Variants in CSMD3 observed in about 807,000 individuals in gnomAD.
The protein encoded by CSMD3 is CUB and sushi domain-containing protein 3.
Under a neutral mutation model 435.2 loss-of-function variants are expected in CSMD3, and 177 were observed. The observed-to-expected ratio is 0.41, with a 90% CI of 0.36 to 0.46. The LOEUF is 0.46. Among genes scored for constraint, CSMD3 ranks in the 20% least tolerant of loss-of-function variants. The pLI, the probability that CSMD3 is intolerant of heterozygous loss-of-function variation, is 0.34. For missense variants in CSMD3, 4,265 were observed against 4,504.6 expected (o/e 0.95, Z 1.52); for synonymous variants, 1,656 against 1,520.5 (o/e 1.09, Z -2.07).
chr8:112,505,196 G>A (rs1448233081), intron 29 of CSMD3, among the ~76,000 whole-genome samples: 2 of 152,206 alleles, frequency 1.3e-5, no homozygotes, highest in East Asian at 3.9e-4. Context: ...TCTAACGTGA[G>A]AAAATTGGGA....
intron 7 of CSMD3, among the ~76,000 whole-genome samples, chr8:112,971,101 T>G (rs1199219507): frequency 6.6e-6 from 1 of 152,198 alleles, no homozygotes; most frequent in Admixed American, 6.5e-5. Flanking sequence ...CCCTCTACTG[T>G]AATTCAATAA....
intron 1 of CSMD3, among the ~76,000 whole-genome samples, chr8:113,345,029 T>G (rs2094142860): frequency 6.6e-6 from 1 of 152,110 alleles, no homozygotes; most frequent in Non-Finnish European, 1.5e-5. Flanking sequence ...GCCTGTTTCT[T>G]CAACTGAAGA....
At chr8:113,426,703 C>T (rs779491129) in intron 1 of CSMD3, among the ~76,000 whole-genome samples, 3 of 151,372 alleles carry the variant, frequency 2.0e-5, no homozygotes, top group Non-Finnish European at 3.0e-5. Context: ...AATGAAATGT[C>T]AAGTGAATTT....
At chr8:112,790,000 A>G (rs2078646956) in intron 13 of CSMD3, among the ~76,000 whole-genome samples, 1 of 151,990 alleles carries the variant, frequency 6.6e-6, no homozygotes, top group Admixed American at 6.6e-5. Flanking sequence ...AAAGTTAAGA[A>G]TCAACTTTTA....
chr8:112,851,142 T>C (rs231309), intron 11 of CSMD3, among the ~76,000 whole-genome samples: 123,969 of 152,080 alleles, frequency 0.82, 50,745 homozygotes, highest in African/African-American at 0.88. Flanking sequence ...ATTACATCAG[T>C]GCTCTCAAGA....
At position 113,311,955 on chromosome 8, in the gene CSMD3, A is replaced by G. The variant is rs572472021; in HGVS notation, c.401+2616T>C. On this transcript the variant is annotated intron_variant, in intron 2 of 70. Transcript: ENST00000297405. The stretch of plus-strand genomic sequence containing the variant: ...AGTCTATAAAATAAATAGGAAAAAT[A>G]AATTTGTAGCTTACCTTTCGGTTTA... 14 of 152,290 alleles carry G rather than the reference A, an allele frequency of 9.2e-5. No individual in the cohort carries two copies. In the East Asian group the frequency reaches 2.7e-3, roughly 29 times the overall value. 9.4% of individuals were successfully genotyped at this position (152,290 alleles called of 1,614,324 possible).
chr8:112,618,604 C>T (rs1231756898), intron 22 of CSMD3, among the ~76,000 whole-genome samples: 2 of 151,922 alleles, frequency 1.3e-5, no homozygotes, highest in African/African-American at 4.8e-5. Flanking sequence ...GCTCTGTCTC[C>T]AAAAGCAACT....
At chr8:112,615,036 C>G (rs1291234178) in intron 22 of CSMD3, among the ~76,000 whole-genome samples, 1 of 151,770 alleles carries the variant, frequency 6.6e-6, no homozygotes, top group African/African-American at 2.4e-5. Context: ...TCTTCTAGGG[C>G]TAGAAAATAA....
rs185852165 is a variant in CSMD3 at position 112,708,440 on chromosome 8, C to T, written c.1973-18390G>A. 5.4e-4 allele frequency among the ~76,000 whole-genome samples: 82 copies of T among 151,490 alleles called. 2 individuals carry two copies. Among genetic ancestry groups the T allele is most frequent in the Middle Eastern group, 3.4e-3 (1 of 292 alleles). On this transcript the variant is annotated intron_variant, in intron 13 of 70. Coordinates refer to ENST00000297405, the MANE Select transcript of CSMD3 (RefSeq NM_198123.2). The stretch of plus-strand genomic sequence containing the variant: ...ATCTTAAATCTATGAGAAGAGCAGA[C>T]GCAAGAAAGGAATTGGGATTCATTT...
At chr8:112,383,406 A>C (rs1313510287) in intron 37 of CSMD3, among the ~76,000 whole-genome samples, 161 bp downstream of exon 37, 2 of 152,196 alleles carry the variant, frequency 1.3e-5, no homozygotes, top group Non-Finnish European at 2.9e-5. Context: ...ATCAATATTG[A>C]TATCATCTTT....
At chr8:112,808,875 C>T (rs931757884) in intron 12 of CSMD3, among the ~76,000 whole-genome samples, 3 of 151,888 alleles carry the variant, frequency 2.0e-5, no homozygotes, top group East Asian at 1.9e-4. Context: ...CAGAGTGTGG[C>T]GTTTCTCTAC....
intron 38 of CSMD3, among the ~76,000 whole-genome samples, chr8:112,353,588 A>G (rs963648584): frequency 1.3e-5 from 2 of 152,174 alleles, no homozygotes; most frequent in Non-Finnish European, 2.9e-5. Context: ...CTCCCAAGAT[A>G]GAATTTTTTA....
intron 27 of CSMD3, among the ~76,000 whole-genome samples, chr8:112,523,514 C>T (rs1824528785): frequency 6.6e-6 from 1 of 151,946 alleles, no homozygotes; most frequent in South Asian, 2.1e-4. Context: ...TCTCACATCC[C>T]TCTCTTTCAG....
intron 27 of CSMD3, among the ~76,000 whole-genome samples, chr8:112,517,719 A>C (rs545258656): frequency 2.0e-5 from 3 of 152,332 alleles, no homozygotes; most frequent in East Asian, 1.9e-4. Flanking sequence ...ATACTACTAC[A>C]TACATTTCAA....
At chr8:112,464,876 T>A (rs752762170) in intron 32 of CSMD3, among the ~76,000 whole-genome samples, 1 of 152,154 alleles carries the variant, frequency 6.6e-6, no homozygotes, top group Non-Finnish European at 1.5e-5. Flanking sequence ...AAATATAAAA[T>A]GGTGAACAAA....
At chr8:113,034,193 T>G (rs2131256503) in intron 5 of CSMD3, among the ~76,000 whole-genome samples, 1 of 151,698 alleles carries the variant, frequency 6.6e-6, no homozygotes, top group Non-Finnish European at 1.5e-5. Flanking sequence ...CAATTCAATG[T>G]GAATTATTTC....
intron 59 of CSMD3, among the ~76,000 whole-genome samples, chr8:112,277,020 G>T (rs955126069): frequency 7.2e-5 from 11 of 152,062 alleles, no homozygotes; most frequent in Non-Finnish European, 1.2e-4. Flanking sequence ...AGCTGCCACA[G>T]ACTTCTCTCT....
intron 11 of CSMD3, among the ~76,000 whole-genome samples, chr8:112,857,615 C>T (rs1387119489): frequency 6.6e-6 from 1 of 151,730 alleles, no homozygotes; most frequent in African/African-American, 2.4e-5. Context: ...TTTGTACCTA[C>T]ACATATCTCA....
chr8:113,169,257 T>A (rs1293373114), intron 4 of CSMD3, among the ~76,000 whole-genome samples: 1 of 152,190 alleles, frequency 6.6e-6, no homozygotes, highest in East Asian at 1.9e-4. Context: ...TTTTTCTTTG[T>A]CAAAGGCAAC....
Sources: allele counts gnomAD v4.1 joint callset (sites outside exome capture counted in the v4.1 genomes callset), GRCh38; gene constraint gnomAD v4.1.1; transcripts MANE v1.5; gene names NCBI Gene and HGNC (gene_info 2026-07-23, HGNC 2026-07-21).